NKAIN3: variants seen among roughly 807,000 people sequenced by gnomAD.
NKAIN3 encodes sodium/potassium-transporting ATPase subunit beta-1-interacting protein 3.
NKAIN3 carries 25 observed loss-of-function variants against 30.2 expected under a neutral mutation model. The ratio of observed to expected loss-of-function variants is 0.83; its 90% CI spans 0.60 to 1.16. The LOEUF (loss-of-function observed/expected upper bound fraction) is 1.16. NKAIN3 is among the 50% of genes most tolerant of loss of function. NKAIN3 has a pLI of 0.00. For missense variants in NKAIN3, 225 were observed against 254.1 expected (o/e 0.89, Z 0.78); for synonymous variants, 91 against 89.6 (o/e 1.02, Z -0.09).
At chr8:62,702,345 G>A (rs372317076) in intron 3 of NKAIN3, among the ~76,000 whole-genome samples, 1 of 152,082 alleles carries the variant, frequency 6.6e-6, no homozygotes, top group East Asian at 1.9e-4. Flanking sequence ...TTTAAGACAG[G>A]AGAATACACA....
intron 1 of NKAIN3, among the ~76,000 whole-genome samples, chr8:62,498,429 A>G (rs1413850394): frequency 6.6e-6 from 1 of 152,012 alleles, no homozygotes; most frequent in East Asian, 1.9e-4. Context: ...TGACACATTC[A>G]GCACCATATT....
chr8:62,559,255 A>G (rs1809495292), intron 1 of NKAIN3, among the ~76,000 whole-genome samples: 1 of 151,796 alleles, frequency 6.6e-6, no homozygotes, highest in Admixed American at 6.6e-5. Context: ...CTGTCCTTTG[A>G]TTGAGGTTTC....
intron 4 of NKAIN3, among the ~76,000 whole-genome samples, chr8:62,859,756 G>A (rs555299499): frequency 1.2e-4 from 19 of 152,080 alleles, no homozygotes; most frequent in African/African-American, 3.4e-4. Context: ...TAAGCTATTC[G>A]TGGGTCTCAC....
chr8:62,398,782 G>T (rs1817843748), intron 1 of NKAIN3, among the ~76,000 whole-genome samples: 1 of 152,190 alleles, frequency 6.6e-6, no homozygotes, highest in South Asian at 2.1e-4. Flanking sequence ...ATCAGAGTGG[G>T]TTGTGATGTT....
intron 4 of NKAIN3, among the ~76,000 whole-genome samples, chr8:62,889,451 A>C (rs1024028818): frequency 3.3e-5 from 5 of 152,200 alleles, no homozygotes; most frequent in Non-Finnish European, 5.9e-5. Flanking sequence ...AGACCACCAA[A>C]ATAATGTAAT....
intron 1 of NKAIN3, among the ~76,000 whole-genome samples, chr8:62,274,669 T>G (rs1487631138): frequency 6.6e-6 from 1 of 152,110 alleles, no homozygotes; most frequent in Non-Finnish European, 1.5e-5. Flanking sequence ...TATGTATACA[T>G]GTGCCATGCT....
At chr8:62,850,128 CTT>C (rs1205046103) in intron 4 of NKAIN3, among the ~76,000 whole-genome samples, 3 of 152,020 alleles carry the variant, frequency 2.0e-5, no homozygotes, top group African/African-American at 7.2e-5. Context: ...TGTTTCCTGA[CTT>C]TTTAATGATC....
chr8:62,300,417 GT>G (rs1304385682), intron 1 of NKAIN3, among the ~76,000 whole-genome samples: 2 of 151,950 alleles, frequency 1.3e-5, no homozygotes, highest in Non-Finnish European at 2.9e-5. Flanking sequence ...ATCATAATGA[GT>G]TTATCTACTC....
At chr8:62,689,326 C>T (rs1586091622) in intron 3 of NKAIN3, among the ~76,000 whole-genome samples, 1 of 152,134 alleles carries the variant, frequency 6.6e-6, no homozygotes. Context: ...CAGAACACAG[C>T]CCCCAGAGAC....
At chr8:62,710,049 T>C (rs1563526481) in intron 3 of NKAIN3, among the ~76,000 whole-genome samples, 2 of 152,080 alleles carry the variant, frequency 1.3e-5, no homozygotes, top group African/African-American at 2.4e-5. Context: ...CCTTTTAGAG[T>C]TGATTTCCAG....
intron 4 of NKAIN3, among the ~76,000 whole-genome samples, chr8:62,864,466 G>A (rs544389378): frequency 6.6e-5 from 10 of 152,282 alleles, no homozygotes; most frequent in Admixed American, 6.5e-4. Flanking sequence ...TAATGAAGAA[G>A]ACCGCCCAAA....
At chr8:62,746,759 G>T (rs116233188) in intron 3 of NKAIN3, among the ~76,000 whole-genome samples, 173 bp from the exon 4 acceptor site, 1,554 of 152,268 alleles carry the variant, frequency 0.01, 28 homozygotes, top group African/African-American at 0.034. Flanking sequence ...TAACCCAATA[G>T]TTTAGGCATA....
chr8:62,881,662 A>G (rs1820986602), intron 4 of NKAIN3, among the ~76,000 whole-genome samples: 1 of 152,240 alleles, frequency 6.6e-6, no homozygotes, highest in Non-Finnish European at 1.5e-5. Flanking sequence ...GGTTGCTTCC[A>G]AATTTTGGCA....
intron 1 of NKAIN3, among the ~76,000 whole-genome samples, chr8:62,381,366 C>A (rs993253188): frequency 2.0e-5 from 3 of 152,080 alleles, no homozygotes; most frequent in Non-Finnish European, 4.4e-5. Context: ...TAGCCTAAAT[C>A]GTTGATTATG....
At chr8:62,254,324 C>T (rs1812203047) in intron 1 of NKAIN3, among the ~76,000 whole-genome samples, 1 of 151,898 alleles carries the variant, frequency 6.6e-6, no homozygotes, top group Non-Finnish European at 1.5e-5. Context: ...GCCTGGATTG[C>T]ATATTTAGAA....
chr8:62,651,210 T>A (rs1442833007), intron 3 of NKAIN3, among the ~76,000 whole-genome samples: 1 of 152,170 alleles, frequency 6.6e-6, no homozygotes, highest in South Asian at 2.1e-4. Context: ...ACAATGCTGA[T>A]ACATTTTCAT....
chr8:62,821,866 T>C (rs4413769), intron 4 of NKAIN3, among the ~76,000 whole-genome samples: 333 of 147,900 alleles, frequency 2.3e-3, no homozygotes, highest in Non-Finnish European at 3.5e-3. Flanking sequence ...ATTGGGAAAA[T>C]AATGAATTTT....
intron 5 of NKAIN3, among the ~76,000 whole-genome samples, chr8:62,935,517 A>G (rs997857094): frequency 6.6e-6 from 1 of 152,114 alleles, no homozygotes; most frequent in Non-Finnish European, 1.5e-5. Flanking sequence ...AAGAACTGCA[A>G]TTAATATTTA....
chr8:62,866,051 T>C (rs1820404411), intron 4 of NKAIN3, among the ~76,000 whole-genome samples: 1 of 152,196 alleles, frequency 6.6e-6, no homozygotes, highest in South Asian at 2.1e-4. Flanking sequence ...AAAATATGCA[T>C]AATAATTTAG....
Sources: allele counts gnomAD v4.1 joint callset (sites outside exome capture counted in the v4.1 genomes callset), GRCh38; gene constraint gnomAD v4.1.1; transcripts MANE v1.5; gene names NCBI Gene and HGNC (gene_info 2026-07-23, HGNC 2026-07-21).